Variants in ASPM observed in about 807,000 individuals in gnomAD.
ASPM encodes abnormal spindle-like microcephaly-associated protein.
In ASPM, 256 loss-of-function variants were observed where a neutral mutation model predicts 366.4. That is an observed-to-expected ratio of 0.70 (90% confidence interval 0.63 to 0.77). The LOEUF (loss-of-function observed/expected upper bound fraction) is 0.77, where lower values mean the gene tolerates loss of function less well. Among genes scored for constraint, ASPM ranks in the 30% least tolerant of loss-of-function variants. ASPM has a pLI of 0.00. For missense variants in ASPM, 4,146 were observed against 4,090.4 expected (o/e 1.01, Z -0.37); for synonymous variants, 1,414 against 1,342.9 (o/e 1.05, Z -1.16).
intron 4 of ASPM, among the ~76,000 whole-genome samples, chr1:197,137,002 T>C (rs545680466): frequency 8.5e-5 from 13 of 152,272 alleles, no homozygotes; most frequent in South Asian, 2.1e-4. Context: ...AAAAACCCTA[T>C]GGATCATACT....
chr1:197,128,360 CT>C, intron 10 of ASPM, 129 bp downstream of exon 10: 1 of 730,142 alleles, frequency 1.4e-6, no homozygotes, highest in Non-Finnish European at 2.1e-6. Context: ...AAAAAAAAAC[CT>C]CAATTTTTTT....
At chr1:197,132,252 A>T (rs775701029) in intron 7 of ASPM, 33 bp downstream of exon 7, 3 of 1,506,610 alleles carry the variant, frequency 2.0e-6, no homozygotes, top group Non-Finnish European at 2.7e-6. Flanking sequence ...TAATAAAAAA[A>T]TATTATTTTA....
chr1:197,138,103 A>G (rs1447558082), intron 4 of ASPM, among the ~76,000 whole-genome samples: 9 of 152,210 alleles, frequency 5.9e-5, no homozygotes, highest in Non-Finnish European at 1.3e-4. Context: ...TATAAAATGT[A>G]AAAGTCACTA....
chr1:197,091,654 C>G (rs1409797325), intron 22 of ASPM, among the ~76,000 whole-genome samples: 1 of 151,942 alleles, frequency 6.6e-6, no homozygotes. Flanking sequence ...TGTAGAGAAA[C>G]AGGGTACCCT....
At chr1:197,097,677 G>A (rs1657022000) in intron 18 of ASPM, among the ~76,000 whole-genome samples, 1 of 151,588 alleles carries the variant, frequency 6.6e-6, no homozygotes, top group African/African-American at 2.4e-5. Context: ...TGCCACCTCA[G>A]TCTTAATCAG....
At position 197,090,357 on chromosome 1, in the gene ASPM, T is replaced by C. The variant is rs1558322699; in HGVS notation, c.9668A>G (p.Lys3223Arg). 1.2e-6 allele frequency: 2 copies of C among 1,611,788 alleles called. No homozygotes were observed. Among genetic ancestry groups the C allele is most frequent in the Middle Eastern group, 1.7e-4 (1 of 5,906 alleles). Reference protein sequence around the residue: ...ALWRGYSWRKKNDCTKIKAIR... With the variant: ...ALWRGYSWRKRNDCTKIKAIR... Reference sequence around the variant, plus strand: ...AGCTTTAATTTTTGTACAATCATTTTTCTTCCTCCAAGAATAGCCTCTCCA... The same window carrying C: ...AGCTTTAATTTTTGTACAATCATTTCTCTTCCTCCAAGAATAGCCTCTCCA... Residue 3223 changes from lysine to arginine, a missense_variant, in exon 24 of 28, where the codon AAA becomes AGA. This residue lies in a region of ASPM where 3,624 missense variants were observed against 3,591.7 expected (regional missense o/e 1.01). Coordinates refer to ENST00000367409, the MANE Select transcript of ASPM (RefSeq NM_018136.5).
intron 22 of ASPM, 70 bp from the exon 23 acceptor site, chr1:197,091,111 AT>A: frequency 2.5e-6 from 3 of 1,211,620 alleles, no homozygotes; most frequent in Non-Finnish European, 3.5e-6. Context: ...ACAAATATAC[AT>A]TTATACATAA....
intron 17 of ASPM, among the ~76,000 whole-genome samples, chr1:197,110,900 T>C (rs970029542): frequency 3.3e-5 from 5 of 151,834 alleles, no homozygotes; most frequent in East Asian, 1.9e-4. Context: ...AAGATTAAAA[T>C]TGGACGCTTT....
rs369664619 is a variant in ASPM at position 197,117,798 on chromosome 1, T to A, written c.4056A>T (p.Ser1352=). 1 of 1,611,916 alleles carries A rather than the reference T, an allele frequency of 6.2e-7. No homozygotes were observed. Among genetic ancestry groups the A allele is most frequent in the East Asian group, 2.2e-5 (1 of 44,796 alleles). Reference sequence around the variant, plus strand: ...GTCCAGGATACTATACCTGAATAAGTGATGCTGCTTTATTTTGAACTTTTT... The same window carrying A: ...GTCCAGGATACTATACCTGAATAAGAGATGCTGCTTTATTTTGAACTTTTT... The part of the protein sequence containing the change: ...KLEKVQNKAA[S]LIQGYWRRYS... The change falls in exon 17 of 28, where the codon TCA becomes TCT. Residue 1352 remains serine (S), a synonymous_variant. Coordinates refer to ENST00000367409, the MANE Select transcript of ASPM (RefSeq NM_018136.5).
chr1:197,113,023 G>A (rs139258817), intron 17 of ASPM, among the ~76,000 whole-genome samples: 1 of 152,236 alleles, frequency 6.6e-6, no homozygotes, highest in East Asian at 1.9e-4. Flanking sequence ...TAAGCACCAT[G>A]GAATACCATG....
Position 197,102,386 on chromosome 1 carries a change from C to T in ASPM, c.6865G>A (p.Ala2289Thr). The T allele has an allele frequency of 1.9e-6, 3 of 1,612,776 alleles. No individual in the cohort carries two copies. The highest frequency in any genetic ancestry group is 2.5e-6 in the Non-Finnish European group (3 of 1,179,270). ...CGATATTTTCTCTGAATCAAAATAG[C>T]AGTTTTCTTGAGAGAGAGGAATCTT... ...RRRFLSLKKT[A>T]ILIQRKYRAH... Residue 2289 changes from alanine (A) to threonine (T), a missense_variant, in exon 18 of 28, where the codon GCT becomes ACT. This residue lies in a region of ASPM where 3,624 missense variants were observed against 3,591.7 expected (regional missense o/e 1.01). Transcript: ENST00000367409.
At position 197,103,575 on chromosome 1, in the gene ASPM, T is replaced by C; in HGVS notation, c.5676A>G (p.Lys1892=). 6.2e-7 allele frequency: 1 copy of C among 1,612,924 alleles called. No individual in the cohort carries two copies. ...CAGCTTGATGTTCCCTTCTAATCTG[T>C]TTCCGAACCTTCCAGCCACGATAAG... ...QSAYRGWKVR[K]QIRREHQAAL... Residue 1892 remains lysine (K), a synonymous_variant, in exon 18 of 28, where the codon AAA becomes AAG. Coordinates refer to ENST00000367409, the MANE Select transcript of ASPM (RefSeq NM_018136.5).
chr1:197,135,376 A>G, intron 4 of ASPM, 134 bp from the exon 5 acceptor site: 1 of 871,472 alleles, frequency 1.1e-6, no homozygotes, highest in Non-Finnish European at 1.9e-6. Context: ...TACTTGCAGG[A>G]AAGAGCTGAA....
chr1:197,085,954 G>A (rs1192059984), intron 27 of ASPM, among the ~76,000 whole-genome samples: 1 of 152,056 alleles, frequency 6.6e-6, no homozygotes, highest in East Asian at 1.9e-4. Context: ...CCATTCATAT[G>A]TTAGTATGAG....
Position 197,133,528 on chromosome 1 carries a change from TG to T in ASPM, c.2240del (p.Thr747LysfsTer16), listed in dbSNP as rs772378414. 6.2e-7 allele frequency: 1 copy of T among 1,614,072 alleles called. No homozygotes were observed. The highest frequency in any genetic ancestry group is 1.3e-5 in the African/African-American group (1 of 75,052). ...QHKISVPRAP[T>X]KEEMSLRAYT... ...AAGCTCTGAGAGACATTTCCTCTTT[TG>T]TAGGTGCTCTAGGAACACTTATTTT... On this transcript the variant is annotated frameshift_variant, in exon 6 of 28. Coordinates refer to ENST00000367409, the MANE Select transcript of ASPM (RefSeq NM_018136.5). LOFTEE classifies it high-confidence loss of function.
chr1:197,136,535 T>C (rs1306451839), intron 4 of ASPM, among the ~76,000 whole-genome samples: 7 of 152,096 alleles, frequency 4.6e-5, no homozygotes, highest in East Asian at 1.9e-4. Flanking sequence ...TTTTGGTATG[T>C]GATTGAAGTT....
At position 197,103,420 on chromosome 1, in the gene ASPM, T is replaced by A; in HGVS notation, c.5831A>T (p.Tyr1944Phe). The A allele has an allele frequency of 1.2e-6, 2 of 1,613,208 alleles. No homozygotes were observed. Among genetic ancestry groups the A allele is most frequent in the Non-Finnish European group, 1.7e-6 (2 of 1,179,434 alleles). The change falls in exon 18 of 28, where the codon TAT becomes TTT. Residue 1944 changes from tyrosine (Y) to phenylalanine (F), a missense_variant. Around this residue, in one of 3 missense-constraint regions of ASPM, gnomAD observed 3,624 missense variants for 3,591.7 expected, o/e 1.01. Coordinates refer to ENST00000367409, the MANE Select transcript of ASPM (RefSeq NM_018136.5). ...WTAGRKQCME[Y>F]IELRHAVLVL... ...CAGTACCGCATGACGGAGTTCAATA[T>A]ACTCCATACATTGCTTCCTTCCTGC...
intron 17 of ASPM, among the ~76,000 whole-genome samples, chr1:197,111,304 C>T (rs1657575949): frequency 2.0e-5 from 3 of 152,036 alleles, no homozygotes; most frequent in Admixed American, 2.0e-4. Flanking sequence ...GGAAGACACA[C>T]ATGCGGCCAA....
intron 10 of ASPM, among the ~76,000 whole-genome samples, chr1:197,127,992 C>T (rs534949367): frequency 1.2e-4 from 18 of 151,888 alleles, no homozygotes; most frequent in Admixed American, 2.6e-4. Flanking sequence ...GGTGAAACCC[C>T]GTCTCTACTA....
Sources: gnomAD v4.1 joint callset for allele counts (sites outside exome capture counted in the v4.1 genomes callset) on GRCh38, gnomAD v4.1.1 for gene constraint, gnomAD v4.1.1 regional missense constraint, MANE v1.5 for transcripts, NCBI Gene and HGNC (gene_info 2026-07-23, HGNC 2026-07-21) for gene names.